CNTRL: variants seen among roughly 807,000 people sequenced by gnomAD.
CNTRL encodes 110 kDa centrosomal protein.
Under a neutral mutation model 303.7 loss-of-function variants are expected in CNTRL, and 233 were observed. The ratio of observed to expected loss-of-function variants is 0.77; its 90% CI spans 0.69 to 0.86. CNTRL has a LOEUF of 0.86. Among genes scored for constraint, CNTRL ranks in the 40% least tolerant of loss-of-function variants. The probability of loss-of-function intolerance (pLI) is 0.00; values close to 1 mark genes in which losing one functional copy is unlikely to be tolerated. For synonymous variants in CNTRL, 900 were observed against 922.2 expected (o/e 0.98, Z 0.44); for missense variants, 2,524 against 2,650.6 (o/e 0.95, Z 1.05).
intron 23 of CNTRL, 47 bp from the exon 24 acceptor site, chr9:121,148,625 C>G: frequency 6.6e-7 from 1 of 1,518,450 alleles, no homozygotes; most frequent in Non-Finnish European, 8.9e-7. Flanking sequence ...TTAAAATCAG[C>G]CTTTCCATTT....
At chr9:121,142,316 T>C in intron 19 of CNTRL, 46 bp downstream of exon 19, 1 of 1,525,200 alleles carries the variant, frequency 6.6e-7, no homozygotes, top group Non-Finnish European at 8.8e-7. Context: ...CTGCTGCCAG[T>C]GTCCTGCCCA....
chr9:121,147,203 A>G (rs1032503466), intron 23 of CNTRL, among the ~76,000 whole-genome samples: 1 of 152,114 alleles, frequency 6.6e-6, no homozygotes, highest in Non-Finnish European at 1.5e-5. Context: ...GGGTTTTGCC[A>G]TGTTGGCCAG....
At position 121,164,952 on chromosome 9, in the gene CNTRL, A is replaced by G; in HGVS notation, c.5433A>G (p.Ala1811=). ...KKLAQTKRVL[A]AAEENSKMEQ... ...TTACTCTCTGTGGTAGGGTTTTAGC[A>G]GCAGCAGAAGAAAATAGCAAAATGG... Residue 1811 remains alanine (A), a synonymous_variant, in exon 35 of 44, where the codon GCA becomes GCG. Coordinates refer to ENST00000373855, the MANE Select transcript of CNTRL (RefSeq NM_007018.6). 6.2e-7 allele frequency: 1 copy of G among 1,611,488 alleles called. No individual in the cohort carries two copies. The highest frequency in any genetic ancestry group is 8.5e-7 in the Non-Finnish European group (1 of 1,179,242).
At chr9:121,136,732 T>C (rs2051218959) in intron 15 of CNTRL, among the ~76,000 whole-genome samples, 1 of 152,206 alleles carries the variant, frequency 6.6e-6, no homozygotes, top group Non-Finnish European at 1.5e-5. Context: ...AAATATTTAT[T>C]GATTGGCCAT....
At chr9:121,132,951 G>A (rs930739078) in intron 14 of CNTRL, among the ~76,000 whole-genome samples, 5 of 152,152 alleles carry the variant, frequency 3.3e-5, no homozygotes, top group African/African-American at 1.2e-4. Context: ...TGTTTGCCTC[G>A]GTATCACAAG....
chr9:121,167,801 G>T, intron 37 of CNTRL, 124 bp downstream of exon 37: 1 of 815,696 alleles, frequency 1.2e-6, no homozygotes, highest in Non-Finnish European at 1.9e-6. Flanking sequence ...TAACTGCCCT[G>T]TGTAGCCATG....
chr9:121,094,950 A>G lies in CNTRL; in HGVS notation c.411A>G (p.Ile137Met), dbSNP rs2048826255. 6.2e-7 allele frequency: 1 copy of G among 1,600,174 alleles called. No homozygotes were observed. Among genetic ancestry groups the G allele is most frequent in the Non-Finnish European group, 8.5e-7 (1 of 1,169,674 alleles). ...TACTGAATCTCAGCTATAATCTAATAGGGAAGATTGAAAAGTTGGACAAGC... is the reference window on the plus strand; with the variant it reads ...TACTGAATCTCAGCTATAATCTAATGGGGAAGATTGAAAAGTTGGACAAGC... ...LEVLNLSYNL[I>M]GKIEKLDKLL... is the part of the protein sequence containing the mutation. The change falls in exon 5 of 44, where the codon ATA (isoleucine) becomes ATG (methionine). Residue 137 changes from isoleucine to methionine, a missense_variant. By Grantham distance (10) the Ile-to-Met change is conservative. Coordinates refer to ENST00000373855, the MANE Select transcript of CNTRL (RefSeq NM_007018.6).
chr9:121,115,052 T>C (rs2049915476), intron 10 of CNTRL, 39 bp from the exon 11 acceptor site: 4 of 1,238,532 alleles, frequency 3.2e-6, no homozygotes, highest in Admixed American at 2.3e-5. Context: ...AAGATTTTTC[T>C]TGTTTCATAT....
chr9:121,152,599 C>T lies in CNTRL; in HGVS notation c.4078C>T (p.His1360Tyr), dbSNP rs1331823973. ...GTCGGAGAAAGAAATGGAAGAACTG[C>T]ATCATAATATTGATGATCTTTTGCA... ...RQSEKEMEELHHNIDDLLQEK... is the reference protein window; with the variant it reads ...RQSEKEMEELYHNIDDLLQEK... The change falls in exon 26 of 44, where the codon CAT (histidine) becomes TAT (tyrosine). Residue 1360 changes from histidine (H) to tyrosine (Y), a missense_variant. By Grantham distance (83) the His-to-Tyr change is moderately conservative. Coordinates refer to ENST00000373855, the MANE Select transcript of CNTRL (RefSeq NM_007018.6). The T allele has an allele frequency of 6.2e-6, 10 of 1,613,682 alleles. No homozygotes were observed. The highest frequency in any genetic ancestry group is 8.5e-6 in the Non-Finnish European group (10 of 1,179,756).
chr9:121,080,239 A>G (rs950997225), intron 1 of CNTRL, 67 bp from the exon 2 acceptor site: 3 of 152,146 alleles, frequency 2.0e-5, no homozygotes, highest in Non-Finnish European at 4.4e-5. Context: ...GTTGTATTCA[A>G]TTCTTTCAAT....
chr9:121,171,134 G>C (rs921231194), intron 39 of CNTRL, among the ~76,000 whole-genome samples: 5 of 152,190 alleles, frequency 3.3e-5, no homozygotes, highest in African/African-American at 1.2e-4. Context: ...CTGTGATGAT[G>C]GGTATTATTA....
At chr9:121,174,283 A>ACATTT (rs1416329799) in intron 42 of CNTRL, among the ~76,000 whole-genome samples, 4 of 152,144 alleles carry the variant, frequency 2.6e-5, no homozygotes, top group African/African-American at 9.7e-5. Context: ...ATGTGGGGGG[A>ACATTT]ATGGCTATGT....
At chr9:121,140,373 G>A (rs1250896920) in intron 16 of CNTRL, among the ~76,000 whole-genome samples, 2 of 152,184 alleles carry the variant, frequency 1.3e-5, no homozygotes, top group Non-Finnish European at 2.9e-5. Flanking sequence ...TTGGGGCAAT[G>A]GGCATGGACA....
At chr9:121,167,768 C>A in intron 37 of CNTRL, 91 bp downstream of exon 37, 1 of 1,143,502 alleles carries the variant, frequency 8.7e-7, no homozygotes, top group Non-Finnish European at 1.3e-6. Context: ...TGAGAAATAT[C>A]CCCAATGGGA....
At chr9:121,109,203 A>G (rs10739590) in intron 8 of CNTRL, among the ~76,000 whole-genome samples, 77,770 of 151,926 alleles carry the variant, frequency 0.51, 21,861 homozygotes, top group South Asian at 0.8. Context: ...GTCAATGCTA[A>G]TAAATATTAT....
chr9:121,162,743 T>C (rs2052912027), intron 34 of CNTRL, among the ~76,000 whole-genome samples: 1 of 152,160 alleles, frequency 6.6e-6, no homozygotes, highest in Admixed American at 6.5e-5. Context: ...AAACAACTTT[T>C]AGAAAGTAGA....
intron 8 of CNTRL, among the ~76,000 whole-genome samples, chr9:121,110,538 C>T (rs2049700959): frequency 6.6e-6 from 1 of 152,068 alleles, no homozygotes; most frequent in Admixed American, 6.6e-5. Flanking sequence ...TTCTTGCAGG[C>T]CCTTTTCTGC....
rs749905942 is a variant in CNTRL, at chr9:121,162,123, C to G, written c.5275C>G (p.Gln1759Glu). 8.7e-6 allele frequency: 14 copies of G among 1,614,042 alleles called. No homozygotes were observed. In the Admixed American group the frequency reaches 2.3e-4, roughly 27 times the overall value. Residue 1759 changes from glutamine (Q) to glutamate (E), a missense_variant, in exon 34 of 44, where the codon CAG becomes GAG. Transcript: ENST00000373855. ...GAAAGGGGAAATAGAGTGGCAGAAG[C>G]AGCTCCTTGAGAGGGATAAACGAGA... The part of the protein sequence containing the change: ...QQKGEIEWQK[Q>E]LLERDKREIE...
chr9:121,098,529 A>C lies in CNTRL; in HGVS notation c.765A>C (p.Val255=), dbSNP rs1171697530. The change falls in exon 7 of 44, where the codon GTA becomes GTC. Residue 255 remains valine (V), a synonymous_variant. Transcript: ENST00000373855. ...RSLESLEGQP[V]TTQDRQEAFE... Reference sequence around the variant, plus strand: ...TGGAAAGTTTGGAAGGTCAGCCAGTAACCACTCAGGATAGACAGGAGGCTT... The same window carrying C: ...TGGAAAGTTTGGAAGGTCAGCCAGTCACCACTCAGGATAGACAGGAGGCTT... The C allele has an allele frequency of 1.9e-6, 3 of 1,613,806 alleles. No homozygotes were observed. The African/African-American group carries it at 4.0e-5, about 22-fold the overall frequency.
Sources: gnomAD v4.1 joint callset for allele counts (sites outside exome capture counted in the v4.1 genomes callset) on GRCh38, gnomAD v4.1.1 for gene constraint, MANE v1.5 for transcripts, NCBI Gene and HGNC (gene_info 2026-07-23, HGNC 2026-07-21) for gene names.